KCNC4: variants seen among roughly 807,000 people sequenced by gnomAD.
KCNC4 encodes voltage-gated potassium channel KCNC4.
Under a neutral mutation model 42.8 loss-of-function variants are expected in KCNC4, and 23 were observed. That is an observed-to-expected ratio of 0.54 (90% CI 0.39 to 0.76). The LOEUF (loss-of-function observed/expected upper bound fraction) is 0.76, where lower values mean the gene tolerates loss of function less well. KCNC4 is among the 30% of genes least tolerant of loss of function. The pLI is 0.00. For synonymous variants in KCNC4, 422 were observed against 393.5 expected, an observed-to-expected ratio of 1.07 and a Z score of -0.86; for missense variants, 751 against 898.2, an observed-to-expected ratio of 0.84 and a Z score of 2.10.
chr1:110,268,785 T>C (rs1346552297), intron 1 of KCNC4, among the ~76,000 whole-genome samples: 2 of 148,718 alleles, frequency 1.3e-5, no homozygotes, highest in Non-Finnish European at 3.0e-5. Context: ...TGGAGTGCAG[T>C]GGCGCGATCT....
chr1:110,259,987 A>G (rs765604162), intron 1 of KCNC4, among the ~76,000 whole-genome samples: 16 of 152,284 alleles, frequency 1.1e-4, no homozygotes, highest in Admixed American at 2.0e-4. Flanking sequence ...GCCAGGCTGC[A>G]TTGTCCCAGC....
At chr1:110,280,519 C>A (rs1481072242) in intron 1 of KCNC4, among the ~76,000 whole-genome samples, 1 of 152,070 alleles carries the variant, frequency 6.6e-6, no homozygotes, top group Non-Finnish European at 1.5e-5. Flanking sequence ...CTCTGCGAAA[C>A]CCCTGAGGAC....
At chr1:110,226,258 C>G in intron 3 of KCNC4, 80 bp downstream of exon 3, 2 of 1,248,278 alleles carry the variant, frequency 1.6e-6, no homozygotes, top group Non-Finnish European at 2.3e-6. Flanking sequence ...GCCTGAGGTC[C>G]CCCCCTCCCC....
At chr1:110,280,687 C>T (rs1269035711) in intron 1 of KCNC4, among the ~76,000 whole-genome samples, 2 of 152,108 alleles carry the variant, frequency 1.3e-5, no homozygotes, top group Non-Finnish European at 2.9e-5. Context: ...ATTCAAATAA[C>T]AACAAATTTT....
At chr1:110,273,412 ATC>A (rs61439735) in intron 1 of KCNC4, among the ~76,000 whole-genome samples, 2,167 of 152,284 alleles carry the variant, frequency 0.014, 35 homozygotes, top group African/African-American at 0.05. Context: ...AGAGTTATTT[ATC>A]TCTGTGTCAG....
chr1:110,261,929 C>T (rs1659462555), intron 1 of KCNC4, among the ~76,000 whole-genome samples: 2 of 152,134 alleles, frequency 1.3e-5, no homozygotes, highest in African/African-American at 4.8e-5. Flanking sequence ...AAAGGTGATG[C>T]TTTATTATCT....
chr1:110,234,333 T>G (rs889530961), downstream of KCNC4: 1 of 152,086 alleles, frequency 6.6e-6, no homozygotes, highest in Non-Finnish European at 1.5e-5. Flanking sequence ...AAAAGACTGT[T>G]CTTTGTTTAA....
chr1:110,211,285 C>A lies in KCNC4; in HGVS notation c.-215C>A. 1.5e-6 allele frequency: 1 copy of A among 663,768 alleles called. No individual in the cohort carries two copies. The allele number at this position is 663,768 out of a possible 1,614,324, so 41.1% of individuals were successfully genotyped here. Reference sequence around the variant, plus strand: ...GCCTCCCTCTCTCCGGAGCTTCCTGCCCTAACCCCAACCACCTGTGTACCG... The same window carrying A: ...GCCTCCCTCTCTCCGGAGCTTCCTGACCTAACCCCAACCACCTGTGTACCG... On this transcript the variant is annotated 5_prime_UTR_variant, in exon 1 of 4. Coordinates refer to ENST00000438661, the MANE Select transcript of KCNC4 (RefSeq NM_001039574.3). The surrounding 1 kb of genome is among the most constrained non-coding windows in gnomAD (Gnocchi z 6.5).
At chr1:110,257,305 C>G (rs1659348461) in intron 1 of KCNC4, among the ~76,000 whole-genome samples, 1 of 152,138 alleles carries the variant, frequency 6.6e-6, no homozygotes, top group Admixed American at 6.5e-5. Context: ...TAACATGGAG[C>G]CTGTCCAGAA....
At chr1:110,217,917 T>C (rs915422112) in intron 1 of KCNC4, among the ~76,000 whole-genome samples, 2 of 152,320 alleles carry the variant, frequency 1.3e-5, no homozygotes, top group South Asian at 4.1e-4. Context: ...CTTCCAGCAC[T>C]GCCTGGGCAC....
intron 1 of KCNC4, among the ~76,000 whole-genome samples, chr1:110,267,555 C>G (rs1659561827): frequency 6.6e-6 from 1 of 152,192 alleles, no homozygotes; most frequent in Non-Finnish European, 1.5e-5. Flanking sequence ...CCCTGGCCAG[C>G]AAAACTTCAT....
chr1:110,277,871 G>A (rs1332043776), intron 1 of KCNC4, among the ~76,000 whole-genome samples: 1 of 152,212 alleles, frequency 6.6e-6, no homozygotes, highest in African/African-American at 2.4e-5. Flanking sequence ...TGGCTCATAG[G>A]CCAGGCACAC....
downstream of KCNC4, among the ~76,000 whole-genome samples, chr1:110,254,065 T>G (rs1659287671): frequency 7.4e-6 from 1 of 134,518 alleles, no homozygotes. Context: ...TGCTTCTTCA[T>G]GAGAAGGAAG....
At chr1:110,253,657 G>C (rs114897122), downstream of KCNC4, among the ~76,000 whole-genome samples, 2 of 152,174 alleles carry the variant, frequency 1.3e-5, no homozygotes, top group African/African-American at 2.4e-5. Flanking sequence ...CTCTGCTCAG[G>C]CCACAGATAA....
chr1:110,247,698 G>A (rs1659180666), exon 4 of KCNC4: 1 of 151,972 alleles, frequency 6.6e-6, no homozygotes, highest in Admixed American at 6.6e-5. Flanking sequence ...GGGACTACAG[G>A]TGCGTGCCAC....
In KCNC4 at chr1:110,211,360, A is replaced by G. The variant is rs1183403597; in HGVS notation, c.-140A>G. 5.5e-6 allele frequency: 7 copies of G among 1,283,126 alleles called. No individual in the cohort carries two copies. Among genetic ancestry groups the G allele is most frequent in the Non-Finnish European group, 7.4e-6 (7 of 946,998 alleles). The allele number at this position is 1,283,126 out of a possible 1,614,324, so 79.5% of individuals were successfully genotyped here. A position where few individuals can be genotyped will look rare whatever the true frequency, so the allele number is the denominator to read the frequency against. The stretch of plus-strand genomic sequence containing the variant: ...GCGTCCTAGGGGGATAGGCAGGGGC[A>G]AGCCCAAGCCGCAGAGGGGGCCGCC... On this transcript the variant is annotated 5_prime_UTR_variant, in exon 1 of 4. Coordinates refer to ENST00000438661, the MANE Select transcript of KCNC4 (RefSeq NM_001039574.3). The surrounding 1 kb of genome is among the most constrained non-coding windows in gnomAD (Gnocchi z 6.5).
chr1:110,250,582 A>C (rs942342711), downstream of KCNC4, among the ~76,000 whole-genome samples: 1 of 152,262 alleles, frequency 6.6e-6, no homozygotes, highest in Non-Finnish European at 1.5e-5. Context: ...GGGCACTGTC[A>C]GTGTGGATAG....
At chr1:110,219,735 C>T (rs1035168142) in intron 1 of KCNC4, 2 of 152,150 alleles carry the variant, frequency 1.3e-5, no homozygotes, top group Non-Finnish European at 2.9e-5. Flanking sequence ...GTATCCCTGC[C>T]CACAGGGATA....
At position 110,223,203 on chromosome 1, in the gene KCNC4, G is replaced by T; in HGVS notation, c.918G>T (p.Thr306=). 1 of 1,614,234 alleles carries T rather than the reference G, an allele frequency of 6.2e-7. No homozygotes were observed. Among genetic ancestry groups the T allele is most frequent in the Non-Finnish European group, 8.5e-7 (1 of 1,180,042 alleles). Residue 306 remains threonine (T), a synonymous_variant, in exon 2 of 4, where the codon ACG becomes ACT. Transcript: ENST00000438661. The surrounding 1 kb of genome is among the most constrained non-coding windows in gnomAD (Gnocchi z 7.5). ...FLVRIVCCPD[T]LDFVKNLLNI... ...TGCGCATCGTGTGCTGCCCCGACAC[G>T]CTGGACTTCGTCAAGAACCTGCTCA... is the stretch of plus-strand genomic sequence containing the variant.
Sources: gnomAD v4.1 joint callset for allele counts (sites outside exome capture counted in the v4.1 genomes callset) on GRCh38, gnomAD v4.1.1 for gene constraint, Gnocchi (gnomAD v3.1) non-coding constraint, MANE v1.5 for transcripts, NCBI Gene and HGNC (gene_info 2026-07-23, HGNC 2026-07-21) for gene names.